Variants in GARS1 observed in about 807,000 individuals in gnomAD.
GARS1 encodes glycyl-tRNA synthetase 1.
In GARS1, 46 loss-of-function variants were observed where a neutral mutation model predicts 86.4. The ratio of observed to expected loss-of-function variants is 0.53; its 90% confidence interval spans 0.42 to 0.68. The LOEUF (loss-of-function observed/expected upper bound fraction) is 0.68, where lower values mean the gene tolerates loss of function less well. Ranked by LOEUF, GARS1 falls within the 30% of genes least tolerant of loss-of-function variation. GARS1 has a pLI of 0.00. For synonymous variants in GARS1, 342 were observed against 329.8 expected (o/e 1.04, Z -0.40); for missense variants, 797 against 915.6 (o/e 0.87, Z 1.67).
At chr7:30,604,920 G>C (rs760606842) in intron 6 of GARS1, among the ~76,000 whole-genome samples, 1 of 152,220 alleles carries the variant, frequency 6.6e-6, no homozygotes, top group African/African-American at 2.4e-5. Flanking sequence ...CGTTGTCAGA[G>C]TTGGGAAGTA....
Position 30,628,628 on chromosome 7 carries a change from G to C in GARS1, c.1768G>C (p.Glu590Gln). The change falls in exon 14 of 17, where the codon GAA (glutamate) becomes CAA (glutamine). Residue 590 changes from glutamate to glutamine, a missense_variant. By Grantham distance (29) the Glu-to-Gln change is conservative. Around this residue, in one of 2 missense-constraint regions of GARS1, gnomAD observed 598 missense variants for 738.7 expected, o/e 0.81. Transcript: ENST00000389266. ...GLGRIMYTVF[E>Q]HTFHVREGDE... ...GGGTAGGATCATGTATACGGTATTT[G>C]AACATACATTCCATGTACGAGAAGG... The C allele has an allele frequency of 6.2e-7, 1 of 1,612,684 alleles. No homozygotes were observed. Among genetic ancestry groups the C allele is most frequent in the Non-Finnish European group, 8.5e-7 (1 of 1,178,804 alleles).
rs752272200 is a variant in GARS1 at position 30,595,195 on chromosome 7, T to G, written c.222+52T>G. 2.6e-4 allele frequency: 372 copies of G among 1,425,438 alleles called. 1 individual carries two copies. The highest frequency in any genetic ancestry group is 3.5e-4 in the Middle Eastern group (2 of 5,670). 88.3% of individuals were successfully genotyped at this position (1,425,438 alleles called of 1,614,324 possible). On this transcript the variant is annotated intron_variant, in intron 1 of 16. Coordinates refer to ENST00000389266, the MANE Select transcript of GARS1 (RefSeq NM_002047.4). Reference sequence around the variant, plus strand: ...AGCCTCCGGCTCTCCTCCCAGGGCCTTCTTCTGGTCATCCTTCCCTCCTCC... The same window carrying G: ...AGCCTCCGGCTCTCCTCCCAGGGCCGTCTTCTGGTCATCCTTCCCTCCTCC...
intron 10 of GARS1, among the ~76,000 whole-genome samples, chr7:30,618,106 T>C (rs1456639444): frequency 6.6e-6 from 1 of 152,222 alleles, no homozygotes; most frequent in African/African-American, 2.4e-5. Context: ...TTAGTCATAT[T>C]TTAAAAAGTA....
intron 11 of GARS1, chr7:30,621,787 A>G (rs374488289): frequency 2.0e-6 from 1 of 499,858 alleles, no homozygotes; most frequent in Admixed American, 3.5e-5. Context: ...CTGTTTCCAA[A>G]ACGCACTTCA....
intron 1 of GARS1, among the ~76,000 whole-genome samples, chr7:30,597,928 T>C (rs1791288874): frequency 6.6e-6 from 1 of 152,206 alleles, no homozygotes; most frequent in African/African-American, 2.4e-5. Context: ...GATGACCTAT[T>C]CCACCATATT....
Position 30,630,229 on chromosome 7 carries a change from G to A in GARS1, c.1810-1219G>A, listed in dbSNP as rs569513094. Reference sequence around the variant, plus strand: ...TTAAATAGAAATATCACAAGATGGAGGAAGGGAATAGAATTCTGAACCTTC... The same window carrying A: ...TTAAATAGAAATATCACAAGATGGAAGAAGGGAATAGAATTCTGAACCTTC... On this transcript the variant is annotated intron_variant, in intron 14 of 16. Transcript: ENST00000389266. Among the ~76,000 whole-genome samples, 267 of 152,306 alleles carry A rather than the reference G, an allele frequency of 1.8e-3. 2 individuals are homozygous for A. Among genetic ancestry groups the A allele is most frequent in the African/African-American group, 6.1e-3 (254 of 41,570 alleles).
intron 7 of GARS1, among the ~76,000 whole-genome samples, chr7:30,609,935 TA>T (rs1286631186): frequency 1.3e-5 from 2 of 152,250 alleles, no homozygotes; most frequent in Non-Finnish European, 1.5e-5. Flanking sequence ...GGCATATATG[TA>T]TTTTTTTGGC....
intron 1 of GARS1, among the ~76,000 whole-genome samples, chr7:30,595,379 C>A (rs928282568): frequency 2.0e-5 from 3 of 152,202 alleles, no homozygotes; most frequent in Non-Finnish European, 2.9e-5. Context: ...TCCCTGGAAC[C>A]CCTCCGACTT....
At position 30,615,935 on chromosome 7, in the gene GARS1, C is replaced by A. The variant is rs1782881254; in HGVS notation, c.1071C>A (p.Pro357=). The stretch of plus-strand genomic sequence containing the variant: ...CAGAAATTGAGCACTTTGTAGATCC[C>A]AGTGAGAAAGACCACCCCAAGTTCC... ...TMAEIEHFVD[P]SEKDHPKFQN... is the part of the protein sequence containing the mutation. Residue 357 remains proline (P), a synonymous_variant, in exon 9 of 17, where the codon CCC becomes CCA. Coordinates refer to ENST00000389266, the MANE Select transcript of GARS1 (RefSeq NM_002047.4). 1 of 1,614,148 alleles carries A rather than the reference C, an allele frequency of 6.2e-7. No homozygotes were observed. Among genetic ancestry groups the A allele is most frequent in the Non-Finnish European group, 8.5e-7 (1 of 1,180,020 alleles).
intron 13 of GARS1, among the ~76,000 whole-genome samples, chr7:30,628,009 C>T (rs780353429): frequency 6.6e-6 from 1 of 152,170 alleles, no homozygotes; most frequent in African/African-American, 2.4e-5. Flanking sequence ...TTCATTTTTA[C>T]ACAGTATAAA....
At chr7:30,611,664 A>G (rs763527623) in intron 7 of GARS1, among the ~76,000 whole-genome samples, 3 of 152,144 alleles carry the variant, frequency 2.0e-5, no homozygotes, top group Non-Finnish European at 2.9e-5. Context: ...TTGTGTTTTT[A>G]GTAGAGACAG....
chr7:30,600,063 G>T lies in GARS1; in HGVS notation c.427+14G>T, dbSNP rs1451264630. On this transcript the variant is annotated intron_variant, in intron 3 of 16. Transcript: ENST00000389266. Reference sequence around the variant, plus strand: ...CTATTTATGGAGGTAAGGGATTAATGACAAAAAGAACTATTGTGTTGTTAG... The same window carrying T: ...CTATTTATGGAGGTAAGGGATTAATTACAAAAAGAACTATTGTGTTGTTAG... 29 of 1,561,274 alleles carry T rather than the reference G, an allele frequency of 1.9e-5. No homozygotes were observed. Among genetic ancestry groups the T allele is most frequent in the Non-Finnish European group, 2.4e-5 (27 of 1,132,044 alleles).
intron 6 of GARS1, among the ~76,000 whole-genome samples, chr7:30,606,023 C>A (rs150698671): frequency 6.6e-6 from 1 of 152,208 alleles, no homozygotes; most frequent in African/African-American, 2.4e-5. Context: ...AAATTTTTTT[C>A]AAGAAGCTGA....
intron 14 of GARS1, among the ~76,000 whole-genome samples, 164 bp downstream of exon 14, chr7:30,628,833 T>A (rs1783182437): frequency 6.6e-6 from 1 of 152,226 alleles, no homozygotes; most frequent in Non-Finnish European, 1.5e-5. Context: ...GACAAACCAG[T>A]TTCCTGTGTT....
Position 30,632,252 on chromosome 7 carries a change from G to A in GARS1, c.1909G>A (p.Ala637Thr). The A allele has an allele frequency of 6.2e-7, 1 of 1,614,062 alleles. No individual in the cohort carries two copies. ...ACTTTGTTTATTTTGGATAGCGGAA[G>A]CCCTGACCAGGCATGGAGTATCTCA... The part of the protein sequence containing the change: ...FMPFVKELSE[A>T]LTRHGVSHKV... The change falls in exon 16 of 17, where the codon GCC becomes ACC. Residue 637 changes from alanine to threonine, a missense_variant. Coordinates refer to ENST00000389266, the MANE Select transcript of GARS1 (RefSeq NM_002047.4). This position sits in a 1 kb window ranked among gnomAD's most constrained non-coding sequence, Gnocchi z 4.1.
chr7:30,596,755 TATATC>T (rs1791257128), intron 1 of GARS1, among the ~76,000 whole-genome samples: 1 of 152,236 alleles, frequency 6.6e-6, no homozygotes, highest in African/African-American at 2.4e-5. Context: ...AGAACACACA[TATATC>T]AGTTAGTTAA....
intron 14 of GARS1, among the ~76,000 whole-genome samples, chr7:30,629,142 T>C (rs541881226): frequency 4.6e-4 from 70 of 152,270 alleles, no homozygotes; most frequent in African/African-American, 1.5e-3. Context: ...GGTTCTACTC[T>C]GGAGATGCTG....
rs905096301 is a variant in GARS1 at position 30,614,385 on chromosome 7, C to T, written c.1032-1511C>T. 5.9e-5 allele frequency: 9 copies of T among 152,088 alleles called. No individual in the cohort carries two copies. In the East Asian group the frequency reaches 1.7e-3, roughly 29 times the overall value. 9.4% of individuals were successfully genotyped at this position (152,088 alleles called of 1,614,324 possible). A position where few individuals can be genotyped will look rare whatever the true frequency, so the allele number is the denominator to read the frequency against. ...GCATTTTGGAGATTCTAGGCAGGGC[C>T]CGTAATTTATCCTGTCCCACATTGT... On this transcript the variant is annotated intron_variant, in intron 8 of 16. Transcript: ENST00000389266.
intron 6 of GARS1, among the ~76,000 whole-genome samples, chr7:30,605,586 T>C (rs6945586): frequency 0.035 from 5,389 of 152,252 alleles, 329 homozygotes; most frequent in African/African-American, 0.12. Context: ...GGCACGAACA[T>C]GGCTCACTGC....
Sources: allele counts gnomAD v4.1 joint callset (sites outside exome capture counted in the v4.1 genomes callset), GRCh38; gene constraint gnomAD v4.1.1; regional missense constraint gnomAD v4.1.1; non-coding constraint Gnocchi (gnomAD v3.1); transcripts MANE v1.5; gene names NCBI Gene and HGNC (gene_info 2026-07-23, HGNC 2026-07-21).